Variants in PIWIL2 observed in about 807,000 individuals in gnomAD.
PIWIL2 encodes the protein piwi-like protein 2.
A neutral mutation model predicts 116.5 loss-of-function variants in PIWIL2; 81 were observed. The observed-to-expected ratio is 0.70, with a 90% CI of 0.58 to 0.84. The LOEUF (loss-of-function observed/expected upper bound fraction) is 0.84, where lower values mean the gene tolerates loss of function less well. Ranked by LOEUF, PIWIL2 falls within the 40% of genes least tolerant of loss-of-function variation. The probability of loss-of-function intolerance (pLI) is 0.00; values close to 1 mark genes in which losing one functional copy is unlikely to be tolerated. For synonymous variants in PIWIL2, 489 were observed against 429.5 expected, an observed-to-expected ratio of 1.14 and a Z score of -1.71; for missense variants, 1,272 against 1,212.3, an observed-to-expected ratio of 1.05 and a Z score of -0.73.
chr8:22,345,698 A>G (rs1182101741), intron 20 of PIWIL2, among the ~76,000 whole-genome samples: 1 of 152,194 alleles, frequency 6.6e-6, no homozygotes, highest in Non-Finnish European at 1.5e-5. Context: ...AAACCCACAA[A>G]TGTCCACAAA....
Position 22,281,227 on chromosome 8 carries a change from G to T in PIWIL2, c.286+20G>T. ...CATCAGGTATGTGGAAAACTAACTT[G>T]AGAAATTTGGTGGTATGTATGATTG... On this transcript the variant is annotated intron_variant, in intron 3 of 22. Transcript: ENST00000356766. 6.3e-7 allele frequency: 1 copy of T among 1,580,808 alleles called. No individual in the cohort carries two copies. Among genetic ancestry groups the T allele is most frequent in the South Asian group, 1.1e-5 (1 of 87,318 alleles).
At chr8:22,302,213 C>G (rs368270319) in intron 10 of PIWIL2, among the ~76,000 whole-genome samples, 2 of 151,852 alleles carry the variant, frequency 1.3e-5, no homozygotes, top group South Asian at 2.1e-4. Context: ...GATGGGGTCT[C>G]GCTCTGTCAC....
intron 17 of PIWIL2, 71 bp from the exon 18 acceptor site, chr8:22,314,958 T>G: frequency 1.3e-6 from 1 of 785,176 alleles, no homozygotes. Context: ...ATGTTTACTT[T>G]AGAGTTCAGA....
Position 22,353,226 on chromosome 8 carries a change from A to G in PIWIL2, c.2657+14A>G, listed in dbSNP as rs781770833. The G allele has an allele frequency of 6.2e-7, 1 of 1,602,068 alleles. No individual in the cohort carries two copies. Among genetic ancestry groups the G allele is most frequent in the Non-Finnish European group, 8.5e-7 (1 of 1,170,848 alleles). On this transcript the variant is annotated intron_variant, in intron 21 of 22. Coordinates refer to ENST00000356766, the MANE Select transcript of PIWIL2 (RefSeq NM_018068.5). ...AAGCTGTGAGTGGTAAGTGAGCAAA[A>G]TATGTAGTATTGGAGGAAGAATAAG...
chr8:22,310,208 A>T, intron 15 of PIWIL2, 134 bp downstream of exon 15: 1 of 582,306 alleles, frequency 1.7e-6, no homozygotes, highest in Middle Eastern at 4.7e-4. Context: ...TTACCTACTA[A>T]CCAGGGATCC....
chr8:22,337,355 G>A (rs75124633), intron 20 of PIWIL2, among the ~76,000 whole-genome samples: 9,211 of 152,146 alleles, frequency 0.061, 347 homozygotes, highest in Admixed American at 0.091. Flanking sequence ...CTGTACACTA[G>A]AATGATCAAT....
chr8:22,355,051 C>T (rs766096164), intron 22 of PIWIL2, among the ~76,000 whole-genome samples: 4 of 144,860 alleles, frequency 2.8e-5, no homozygotes, highest in Non-Finnish European at 4.5e-5. Context: ...GCCTGGGCAA[C>T]AGAGCAAGAC....
intron 10 of PIWIL2, among the ~76,000 whole-genome samples, chr8:22,297,807 C>T (rs1830947009): frequency 6.6e-6 from 1 of 152,172 alleles, no homozygotes; most frequent in Non-Finnish European, 1.5e-5. Context: ...TCTAATGGGC[C>T]TCCAACCATA....
intron 20 of PIWIL2, among the ~76,000 whole-genome samples, chr8:22,352,445 C>G (rs1212015571): frequency 6.6e-6 from 1 of 152,166 alleles, no homozygotes; most frequent in African/African-American, 2.4e-5. Context: ...TTACACCATA[C>G]CAGACTGTAG....
At position 22,315,223 on chromosome 8, in the gene PIWIL2, A is replaced by G. The variant is rs188467094; in HGVS notation, c.2208+78A>G. ...GTTTTCCTGTTTTTCCTTATTCGTT[A>G]TGCTTCCTCTTCTCAACACTTACTC... On this transcript the variant is annotated intron_variant, in intron 18 of 22. Coordinates refer to ENST00000356766, the MANE Select transcript of PIWIL2 (RefSeq NM_018068.5). The G allele has an allele frequency of 2.7e-5, 22 of 818,532 alleles. 1 individual carries two copies. Among genetic ancestry groups the G allele is most frequent in the African/African-American group, 5.0e-5 (3 of 59,868 alleles). The allele number at this position is 818,532 out of a possible 1,614,324, so 50.7% of individuals were successfully genotyped here. A position where few individuals can be genotyped will look rare whatever the true frequency, so the allele number is the denominator to read the frequency against.
intron 20 of PIWIL2, among the ~76,000 whole-genome samples, chr8:22,352,336 A>G (rs887454656): frequency 2.6e-5 from 4 of 152,266 alleles, no homozygotes; most frequent in Admixed American, 2.6e-4. Context: ...TCAAGCAAGC[A>G]TTTAATTTAA....
intron 20 of PIWIL2, among the ~76,000 whole-genome samples, chr8:22,349,218 G>A (rs1397007096): frequency 2.0e-5 from 3 of 150,762 alleles, no homozygotes; most frequent in Middle Eastern, 6.3e-3. Flanking sequence ...TGTTGCCCAG[G>A]CTGGTCTCAA....
At chr8:22,327,942 T>G (rs1831765402) in intron 20 of PIWIL2, among the ~76,000 whole-genome samples, 1 of 152,226 alleles carries the variant, frequency 6.6e-6, no homozygotes, top group African/African-American at 2.4e-5. Flanking sequence ...GCACGAAAAT[T>G]TTAAATTTTG....
intron 19 of PIWIL2, 95 bp downstream of exon 19, chr8:22,316,428 A>G (rs1442531353): frequency 1.3e-6 from 1 of 789,698 alleles, no homozygotes; most frequent in African/African-American, 1.7e-5. Flanking sequence ...ATTATGTATT[A>G]CAATATAAAG....
chr8:22,294,900 G>GAAAA (rs57742067), intron 10 of PIWIL2, among the ~76,000 whole-genome samples: 3 of 93,654 alleles, frequency 3.2e-5, no homozygotes, highest in Admixed American at 1.4e-4. Flanking sequence ...ATCTTTACTG[G>GAAAA]AAAAAAAAAA....
intron 20 of PIWIL2, among the ~76,000 whole-genome samples, chr8:22,350,468 A>G (rs1050113183): frequency 6.6e-6 from 1 of 151,922 alleles, no homozygotes; most frequent in Non-Finnish European, 1.5e-5. Flanking sequence ...TGGTGACACA[A>G]ACTTGTAGTC....
intron 22 of PIWIL2, among the ~76,000 whole-genome samples, chr8:22,354,613 G>T (rs1223279689): frequency 6.6e-6 from 1 of 152,044 alleles, no homozygotes; most frequent in Non-Finnish European, 1.5e-5. Flanking sequence ...CTATTCTGAG[G>T]CATCTGTATT....
At chr8:22,299,901 G>A (rs76855047) in intron 10 of PIWIL2, among the ~76,000 whole-genome samples, 3,280 of 151,936 alleles carry the variant, frequency 0.022, 123 homozygotes, top group African/African-American at 0.075. Context: ...ACATGGAATC[G>A]CTATGTTCTT....
Position 22,318,214 on chromosome 8 carries a change from A to C in PIWIL2, c.2342A>C (p.His781Pro). The C allele has an allele frequency of 6.2e-7, 1 of 1,613,912 alleles. No individual in the cohort carries two copies. Among genetic ancestry groups the C allele is most frequent in the Non-Finnish European group, 8.5e-7 (1 of 1,179,794 alleles). Residue 781 changes from histidine to proline, a missense_variant, in exon 20 of 23, where the codon CAT becomes CCT. Coordinates refer to ENST00000356766, the MANE Select transcript of PIWIL2 (RefSeq NM_018068.5). The part of the protein sequence containing the change: ...WYSRVVFQMP[H>P]QEIVDSLKLC... ...TCCCGGGTGGTGTTCCAGATGCCGC[A>C]TCAGGAGATTGTGGACAGCCTGAAG...
Sources: allele counts gnomAD v4.1 joint callset (sites outside exome capture counted in the v4.1 genomes callset), GRCh38; gene constraint gnomAD v4.1.1; transcripts MANE v1.5; gene names NCBI Gene and HGNC (gene_info 2026-07-23, HGNC 2026-07-21).